RPP38: variants seen among roughly 807,000 people sequenced by gnomAD.
The protein encoded by RPP38 is ribonuclease P/MRP subunit p38.
In RPP38, 2 loss-of-function variants were observed where a neutral mutation model predicts 1.7. The ratio of observed to expected loss-of-function variants is 1.18; its 90% CI spans 0.48 to 3.70. The LOEUF (loss-of-function observed/expected upper bound fraction) is 3.70, where lower values mean the gene tolerates loss of function less well. Ranked by LOEUF, RPP38 falls within the 30% of genes most tolerant of loss-of-function variation. The pLI is 0.07. For synonymous variants in RPP38, 151 were observed against 131.8 expected, an observed-to-expected ratio of 1.15 and a Z score of -1.00; for missense variants, 358 against 340.1, an observed-to-expected ratio of 1.05 and a Z score of -0.41.
chr10:15,103,648 C>T lies in RPP38; in HGVS notation c.334C>T (p.Gln112Ter). ...SGWTPAHVRK[Q>*]LAIGVNEVTR... ...GTGGACGCCTGCACACGTCAGGAAG[C>T]AGCTTGCCATTGGCGTTAACGAAGT... Residue 112 changes from glutamine (Q) to a stop codon, truncating the protein, a stop_gained, in exon 3 of 3, where the codon CAG becomes TAG. Coordinates refer to ENST00000378197, the MANE Select transcript of RPP38 (RefSeq NM_183005.5). LOFTEE classifies it low-confidence loss of function (END_TRUNC). 6.2e-7 allele frequency: 1 copy of T among 1,614,080 alleles called. No individual in the cohort carries two copies. Among genetic ancestry groups the T allele is most frequent in the Non-Finnish European group, 8.5e-7 (1 of 1,180,024 alleles).
In RPP38 at chr10:15,097,460, G is replaced by A. The variant is rs1844968111; in HGVS notation, c.-436G>A. The A allele has an allele frequency of 6.6e-6, 1 of 152,292 alleles. No individual in the cohort carries two copies. Among genetic ancestry groups the A allele is most frequent in the Non-Finnish European group, 1.5e-5 (1 of 68,094 alleles). 9.4% of individuals were successfully genotyped at this position (152,292 alleles called of 1,614,324 possible). Reference sequence around the variant, plus strand: ...CAGGAGGCCAGCCCCGGGGGGATCGGGCCCGGGACTCTGCGGAATCTGGAG... The same window carrying A: ...CAGGAGGCCAGCCCCGGGGGGATCGAGCCCGGGACTCTGCGGAATCTGGAG... On this transcript the variant is annotated 5_prime_UTR_variant, in exon 1 of 3. Transcript: ENST00000378197.
chr10:15,103,157 A>T, intron 2 of RPP38, 148 bp from the exon 3 acceptor site: 1 of 665,320 alleles, frequency 1.5e-6, no homozygotes, highest in Admixed American at 3.6e-5. Context: ...GTGCCACTGC[A>T]CTCCAGCCTG....
intron 1 of RPP38, among the ~76,000 whole-genome samples, chr10:15,100,138 C>G (rs960613695): frequency 1.3e-5 from 2 of 152,148 alleles, no homozygotes; most frequent in Admixed American, 1.3e-4. Flanking sequence ...CTCTCTTTAT[C>G]GCCCCAGCAG....
intron 1 of RPP38, among the ~76,000 whole-genome samples, chr10:15,100,503 C>G (rs779435633): frequency 6.6e-6 from 1 of 151,938 alleles, no homozygotes; most frequent in Non-Finnish European, 1.5e-5. Flanking sequence ...ACCGAGATGA[C>G]CAGGGTGTGA....
chr10:15,103,313 A>C lies in RPP38; in HGVS notation c.-2A>C. ...ATTTTGCTTCTTGGAAGGATTTTCA[A>C]AATGGCTGCAGCTCCTCAAGCACCG... On this transcript the variant is annotated 5_prime_UTR_variant, in exon 3 of 3. Transcript: ENST00000378197. 1 of 1,560,776 alleles carries C rather than the reference A, an allele frequency of 6.4e-7. No homozygotes were observed. Among genetic ancestry groups the C allele is most frequent in the Non-Finnish European group, 8.6e-7 (1 of 1,157,838 alleles).
intron 1 of RPP38, among the ~76,000 whole-genome samples, chr10:15,098,474 G>C (rs1425356596): frequency 6.6e-6 from 1 of 150,906 alleles, no homozygotes; most frequent in Non-Finnish European, 1.5e-5. Context: ...CGCCCGCCTG[G>C]GCTTCCCAAA....
chr10:15,100,853 T>C (rs1405723230), intron 1 of RPP38, among the ~76,000 whole-genome samples: 2 of 152,166 alleles, frequency 1.3e-5, no homozygotes, highest in African/African-American at 4.8e-5. Flanking sequence ...CTAATTTTTT[T>C]GTATTTTTTA....
chr10:15,102,820 AATCTTT>A (rs1325796435), intron 2 of RPP38: 2 of 152,406 alleles, frequency 1.3e-5, no homozygotes, highest in Non-Finnish European at 2.9e-5. Context: ...AAAATTACTT[AATCTTT>A]AAAAGGAAGA....
chr10:15,101,884 C>G (rs1845118473), intron 1 of RPP38, among the ~76,000 whole-genome samples: 1 of 150,488 alleles, frequency 6.6e-6, no homozygotes, highest in South Asian at 2.1e-4. Context: ...GAGCAAAACT[C>G]CGTCTCAAAA....
intron 1 of RPP38, among the ~76,000 whole-genome samples, chr10:15,098,150 C>T (rs183942519): frequency 2.0e-4 from 30 of 151,832 alleles, no homozygotes; most frequent in African/African-American, 7.0e-4. Context: ...ATTATCTGGT[C>T]CTTACCCACC....
Position 15,104,137 on chromosome 10 carries a change from C to A in RPP38, c.823C>A (p.Pro275Thr). 6.4e-7 allele frequency: 1 copy of A among 1,570,232 alleles called. No homozygotes were observed. Among genetic ancestry groups the A allele is most frequent in the Non-Finnish European group, 8.6e-7 (1 of 1,165,016 alleles). The change falls in exon 3 of 3, where the codon CCC becomes ACC. Residue 275 changes from proline (P) to threonine (T), a missense_variant. Coordinates refer to ENST00000378197, the MANE Select transcript of RPP38 (RefSeq NM_183005.5). The stretch of plus-strand genomic sequence containing the variant: ...AAACCCTAATAAGATAAGGAAACCA[C>A]CCAAAAGTAAAAAAGCTACTCCAAA... ...IPNPNKIRKP[P>T]KSKKATPK
intron 1 of RPP38, among the ~76,000 whole-genome samples, chr10:15,101,939 T>C (rs1410784675): frequency 6.6e-6 from 1 of 152,084 alleles, no homozygotes; most frequent in Non-Finnish European, 1.5e-5. Flanking sequence ...TCAAATGCTG[T>C]AGGAAGGATA....
chr10:15,103,968 TTTAGAGACTGAACC>T lies in RPP38; in HGVS notation c.656_669del (p.Leu219SerfsTer14). The T allele has an allele frequency of 1.9e-6, 3 of 1,614,014 alleles. No homozygotes were observed. Among genetic ancestry groups the T allele is most frequent in the Non-Finnish European group, 2.5e-6 (3 of 1,179,994 alleles). On this transcript the variant is annotated frameshift_variant, in exon 3 of 3. Coordinates refer to ENST00000378197, the MANE Select transcript of RPP38 (RefSeq NM_183005.5). LOFTEE classifies it low-confidence loss of function (END_TRUNC). ...ACAGAATTGAAGATTCTGGGGAAAA[TTTAGAGACTGAACC>T]TCTGGAAAGCCAAGACAGAGAGCTT... is the stretch of plus-strand genomic sequence containing the variant.
At chr10:15,102,419 G>T (rs551502038) in intron 2 of RPP38, 83 bp downstream of exon 2, 1 of 152,164 alleles carries the variant, frequency 6.6e-6, no homozygotes, top group South Asian at 2.1e-4. Flanking sequence ...CTCATGGGCT[G>T]AAGTGATCTG....
chr10:15,103,164 C>G (rs1465534969), intron 2 of RPP38, 141 bp from the exon 3 acceptor site: 5 of 748,820 alleles, frequency 6.7e-6, no homozygotes, highest in Non-Finnish European at 1.0e-5. Context: ...TGCACTCCAG[C>G]CTGGGCAACA....
chr10:15,101,794 G>A lies in RPP38; in HGVS notation c.-129-424G>A, dbSNP rs952016052. ...AATCCCAGCTACTCCGGAGGCTGTG[G>A]CAGGAGAATCGCTTGAATCTGGGAG... is the stretch of plus-strand genomic sequence containing the variant. On this transcript the variant is annotated intron_variant, in intron 1 of 2. Coordinates refer to ENST00000378197, the MANE Select transcript of RPP38 (RefSeq NM_183005.5). Among the ~76,000 whole-genome samples, 4 of 152,152 alleles carry A rather than the reference G, an allele frequency of 2.6e-5. No individual in the cohort carries two copies. In the South Asian group the frequency reaches 8.3e-4, roughly 32 times the overall value.
At chr10:15,099,170 A>AT (rs2131418265) in intron 1 of RPP38, among the ~76,000 whole-genome samples, 1 of 152,302 alleles carries the variant, frequency 6.6e-6, no homozygotes, top group East Asian at 1.9e-4. Context: ...TGGGAGTGGT[A>AT]TTCCAGGCAG....
At chr10:15,102,401 G>A (rs1004385862) in intron 2 of RPP38, 65 bp downstream of exon 2, 1 of 152,014 alleles carries the variant, frequency 6.6e-6, no homozygotes, top group African/African-American at 2.4e-5. Context: ...GCTCAGAGTG[G>A]TCTCGAACTC....
At chr10:15,102,468 G>A (rs1263755417) in intron 2 of RPP38, 132 bp downstream of exon 2, 2 of 152,288 alleles carry the variant, frequency 1.3e-5, no homozygotes, top group African/African-American at 2.4e-5. Flanking sequence ...CTGAAGGCAT[G>A]AGCCAGTGTG....
Sources: gnomAD v4.1 joint callset for allele counts (sites outside exome capture counted in the v4.1 genomes callset) on GRCh38, gnomAD v4.1.1 for gene constraint, MANE v1.5 for transcripts, NCBI Gene and HGNC (gene_info 2026-07-23, HGNC 2026-07-21) for gene names.